The following SNTG2 variants were observed in gnomAD, a reference collection of about 807,000 sequenced individuals.
SNTG2 encodes gamma-2-syntrophin.
In SNTG2, 74 loss-of-function variants were observed where a neutral mutation model predicts 70.9. The ratio of observed to expected loss-of-function variants is 1.04; its 90% confidence interval spans 0.86 to 1.27. The LOEUF is 1.27. Ranked by LOEUF, SNTG2 falls within the 50% of genes most tolerant of loss-of-function variation. The pLI is 0.00. For missense variants in SNTG2, 717 were observed against 690.7 expected (o/e 1.04, Z -0.43); for synonymous variants, 278 against 273.8 (o/e 1.02, Z -0.15).
chr2:1,321,206 C>G (rs1028808750), intron 16 of SNTG2, among the ~76,000 whole-genome samples: 1 of 152,118 alleles, frequency 6.6e-6, no homozygotes, highest in Non-Finnish European at 1.5e-5. Context: ...AAATGAGATA[C>G]CTTAATGACT....
chr2:985,058 C>T (rs1474205359), intron 1 of SNTG2, among the ~76,000 whole-genome samples: 1 of 152,122 alleles, frequency 6.6e-6, no homozygotes, highest in Non-Finnish European at 1.5e-5. Context: ...ACAATCACCT[C>T]AATTTGTGAA....
chr2:1,274,179 TTGG>T (rs887099155), intron 14 of SNTG2, among the ~76,000 whole-genome samples: 1 of 152,244 alleles, frequency 6.6e-6, no homozygotes, highest in African/African-American at 2.4e-5. Flanking sequence ...TCATTCACTG[TTGG>T]TGGCTGTGGA....
At chr2:1,002,565 C>T (rs1659430441) in intron 1 of SNTG2, among the ~76,000 whole-genome samples, 2 of 151,792 alleles carry the variant, frequency 1.3e-5, no homozygotes, top group Middle Eastern at 3.4e-3. Flanking sequence ...CGCCTTATAC[C>T]AGTCAGAATA....
intron 13 of SNTG2, among the ~76,000 whole-genome samples, chr2:1,266,641 A>C (rs1162056226): frequency 6.6e-6 from 1 of 151,394 alleles, no homozygotes; most frequent in Non-Finnish European, 1.5e-5. Context: ...AATTCTATAG[A>C]GACTCGGAGG....
At chr2:1,233,901 G>A (rs991372987) in intron 9 of SNTG2, among the ~76,000 whole-genome samples, 6 of 152,094 alleles carry the variant, frequency 3.9e-5, no homozygotes, top group South Asian at 4.2e-4. Context: ...GTTTCTTCTC[G>A]GTGGACCCCG....
At chr2:1,176,084 C>G (rs1410986808) in intron 8 of SNTG2, among the ~76,000 whole-genome samples, 1 of 152,196 alleles carries the variant, frequency 6.6e-6, no homozygotes, top group Non-Finnish European at 1.5e-5. Context: ...ATGTCATCTT[C>G]AGACATCCTC....
chr2:1,101,609 T>C (rs1262903849), intron 4 of SNTG2, among the ~76,000 whole-genome samples: 1 of 96,140 alleles, frequency 1.0e-5, no homozygotes, highest in East Asian at 3.4e-4. Context: ...ATGAAGGGAG[T>C]GCAGGAGGGC....
chr2:1,099,009 G>A (rs1174830344), intron 4 of SNTG2, among the ~76,000 whole-genome samples: 2 of 151,596 alleles, frequency 1.3e-5, no homozygotes, highest in African/African-American at 4.9e-5. Context: ...GGGATTTCTG[G>A]CCACACATTC....
At chr2:1,233,671 C>T (rs987582279) in intron 9 of SNTG2, among the ~76,000 whole-genome samples, 5 of 152,212 alleles carry the variant, frequency 3.3e-5, no homozygotes, top group African/African-American at 1.2e-4. Context: ...TACGTTAAGA[C>T]ATGTGCTTTG....
chr2:971,246 T>C (rs6548293), intron 1 of SNTG2, among the ~76,000 whole-genome samples: 5 of 151,934 alleles, frequency 3.3e-5, no homozygotes, highest in African/African-American at 1.2e-4. Context: ...TGTGAATTTG[T>C]TTGTGAATTT....
intron 14 of SNTG2, among the ~76,000 whole-genome samples, chr2:1,287,578 G>A (rs898064403): frequency 5.3e-5 from 8 of 152,228 alleles, no homozygotes; most frequent in Non-Finnish European, 7.3e-5. Context: ...CAGGGGGCCC[G>A]GAGTGCTCCG....
At chr2:1,082,221 G>A (rs1032972519) in intron 1 of SNTG2, among the ~76,000 whole-genome samples, 4 of 152,216 alleles carry the variant, frequency 2.6e-5, no homozygotes, top group Admixed American at 6.5e-5. Flanking sequence ...GGAGGCATTT[G>A]ATGAGCTGGT....
At chr2:1,114,659 G>T (rs957570468) in intron 4 of SNTG2, among the ~76,000 whole-genome samples, 2 of 151,860 alleles carry the variant, frequency 1.3e-5, no homozygotes, top group Admixed American at 6.5e-5. Flanking sequence ...TACTAAGTGA[G>T]GTTTAACCCT....
intron 1 of SNTG2, among the ~76,000 whole-genome samples, chr2:1,057,883 T>A (rs1662565285): frequency 6.6e-6 from 1 of 151,910 alleles, no homozygotes; most frequent in Non-Finnish European, 1.5e-5. Context: ...ACAAAAGATT[T>A]AAAAAAAATT....
chr2:979,607 A>T (rs1009062383), intron 1 of SNTG2, among the ~76,000 whole-genome samples: 2 of 152,214 alleles, frequency 1.3e-5, no homozygotes, highest in East Asian at 1.9e-4. Flanking sequence ...GCTAAGGAAT[A>T]TGCTCCCCAA....
chr2:1,002,928 A>G (rs2147989445), intron 1 of SNTG2, among the ~76,000 whole-genome samples: 1 of 152,068 alleles, frequency 6.6e-6, no homozygotes, highest in South Asian at 2.1e-4. Context: ...AAAAAAGAAT[A>G]CAATCTTGTC....
intron 4 of SNTG2, among the ~76,000 whole-genome samples, chr2:1,121,048 A>C (rs1667344207): frequency 6.6e-6 from 1 of 151,944 alleles, no homozygotes; most frequent in African/African-American, 2.4e-5. Flanking sequence ...AATTCTATCT[A>C]GTATCATCTC....
At chr2:1,289,059 C>T (rs544795513) in intron 14 of SNTG2, among the ~76,000 whole-genome samples, 13 of 151,994 alleles carry the variant, frequency 8.6e-5, no homozygotes, top group Non-Finnish European at 1.8e-4. Context: ...GATTTTCTCA[C>T]GGCTGTCCTC....
intron 9 of SNTG2, among the ~76,000 whole-genome samples, chr2:1,223,522 C>T (rs1313993085): frequency 6.6e-6 from 1 of 152,242 alleles, no homozygotes; most frequent in Non-Finnish European, 1.5e-5. Context: ...ACAACCACAG[C>T]TGTGGCCAGA....
Sources: gnomAD v4.1 joint callset for allele counts (sites outside exome capture counted in the v4.1 genomes callset) on GRCh38, gnomAD v4.1.1 for gene constraint, MANE v1.5 for transcripts, NCBI Gene and HGNC (gene_info 2026-07-23, HGNC 2026-07-21) for gene names.